PFKFB2: variants seen among roughly 807,000 people sequenced by gnomAD.
The protein encoded by PFKFB2 is 6-phosphofructo-2-kinase/fructose-2,6-biphosphatase 2, also known as 6-phosphofructo-2-kinase/fructose-2,6-bisphosphatase 2.
PFKFB2 carries 53 observed loss-of-function variants against 68.0 expected under a neutral mutation model. The observed-to-expected ratio is 0.78, with a 90% CI of 0.63 to 0.98. The LOEUF (loss-of-function observed/expected upper bound fraction) is 0.98, where lower values mean the gene tolerates loss of function less well. Ranked by LOEUF, PFKFB2 falls within the 50% of genes least tolerant of loss-of-function variation. The pLI is 0.00. For missense variants in PFKFB2, 451 were observed against 642.0 expected (o/e 0.70, Z 3.22); for synonymous variants, 222 against 227.6 (o/e 0.98, Z 0.22).
At chr1:207,060,541 T>C (rs773163972) in intron 2 of PFKFB2, among the ~76,000 whole-genome samples, 11 of 152,176 alleles carry the variant, frequency 7.2e-5, no homozygotes, top group Non-Finnish European at 1.5e-4. Context: ...AATTCTGGCT[T>C]AAAGAGGAGC....
intron 8 of PFKFB2, among the ~76,000 whole-genome samples, chr1:207,066,366 T>C (rs1683288812): frequency 6.6e-6 from 1 of 152,240 alleles, no homozygotes; most frequent in African/African-American, 2.4e-5. Context: ...AATGGCACAT[T>C]TAATGTGCAT....
intron 2 of PFKFB2, chr1:207,046,095 C>T (rs1383424316): frequency 1.3e-5 from 2 of 151,952 alleles, no homozygotes. Context: ...CTACACCTGA[C>T]CTTTAATCCA....
chr1:207,075,625 T>A lies in PFKFB2; in HGVS notation c.*3254T>A. The A allele has an allele frequency of 2.0e-6, 2 of 985,204 alleles. No individual in the cohort carries two copies. Among genetic ancestry groups the A allele is most frequent in the Non-Finnish European group, 2.4e-6 (2 of 829,726 alleles). The allele number at this position is 985,204 out of a possible 1,614,324, so 61.0% of individuals were successfully genotyped here. On this transcript the variant is annotated 3_prime_UTR_variant, in exon 15 of 15. Coordinates refer to ENST00000367080, the MANE Select transcript of PFKFB2 (RefSeq NM_006212.2). The stretch of plus-strand genomic sequence containing the variant: ...TGAGAAATAGGTAAAGACATTAGCA[T>A]TTAATCTACTGGAATAAGCTGGTTG...
chr1:207,038,189 T>A (rs1482945600), intron 1 of PFKFB2, among the ~76,000 whole-genome samples: 1 of 152,220 alleles, frequency 6.6e-6, no homozygotes, highest in Non-Finnish European at 1.5e-5. Context: ...TTGACTTTAT[T>A]CATTCACATG....
chr1:207,053,427 GC>G, intron 1 of PFKFB2, 61 bp downstream of exon 1: 1 of 152,812 alleles, frequency 6.5e-6, no homozygotes, highest in Non-Finnish European at 1.5e-5. Context: ...GGGGCTGCGT[GC>G]CCCCGGATGA....
Position 207,063,682 on chromosome 1 carries a change from G to T in PFKFB2, c.451-91G>T, listed in dbSNP as rs1683186731. ...TTTCATGAAGAAAATCCTGGGAGAT[G>T]TGGTGGCTGGGTGGGGTAGATGAGC... On this transcript the variant is annotated intron_variant, in intron 6 of 14. Transcript: ENST00000367080. The surrounding 1 kb of genome is among the most constrained non-coding windows in gnomAD (Gnocchi z 4.1). 39 of 1,052,978 alleles carry T rather than the reference G, an allele frequency of 3.7e-5. No homozygotes were observed. The highest frequency in any genetic ancestry group is 3.3e-4 in the South Asian group (26 of 78,738). The allele number at this position is 1,052,978 out of a possible 1,614,324, so 65.2% of individuals were successfully genotyped here. A position where few individuals can be genotyped will look rare whatever the true frequency, so the allele number is the denominator to read the frequency against.
rs1486161101 is a variant in PFKFB2 at position 207,072,701 on chromosome 1, C to T, written c.*330C>T. 1 of 1,073,626 alleles carries T rather than the reference C, an allele frequency of 9.3e-7. No individual in the cohort carries two copies. The highest frequency in any genetic ancestry group is 6.8e-5 in the East Asian group (1 of 14,632). 66.5% of individuals were successfully genotyped at this position (1,073,626 alleles called of 1,614,324 possible). A position where few individuals can be genotyped will look rare whatever the true frequency, so the allele number is the denominator to read the frequency against. ...CATGCCCCACACTCTTGGATCTTCTCTCTGTTCCCTGGTGTCTTCACTAAT... is the reference window on the plus strand; with the variant it reads ...CATGCCCCACACTCTTGGATCTTCTTTCTGTTCCCTGGTGTCTTCACTAAT... On this transcript the variant is annotated 3_prime_UTR_variant, in exon 15 of 15. Coordinates refer to ENST00000367080, the MANE Select transcript of PFKFB2 (RefSeq NM_006212.2).
At chr1:207,052,375 G>A (rs1339979963), upstream of PFKFB2, 4 of 669,210 alleles carry the variant, frequency 6.0e-6, no homozygotes, top group East Asian at 5.5e-5. Flanking sequence ...GAAGTCCACC[G>A]GGGTGGCCGG....
upstream of PFKFB2, chr1:207,051,220 C>T: frequency 8.8e-7 from 1 of 1,142,704 alleles, no homozygotes; most frequent in Non-Finnish European, 1.2e-6. Flanking sequence ...AGGTGCCCTC[C>T]GCGTGGGTAG....
chr1:207,068,157 C>A lies in PFKFB2; in HGVS notation c.841-6C>A, dbSNP rs1683356822. ...TTTACCCTTAATTTTCATTTTTAAA[C>A]CCCAGTTTGCCCAAGCTCTAAGGAA... is the stretch of plus-strand genomic sequence containing the variant. On this transcript the variant is annotated splice_polypyrimidine_tract_variant and splice_region_variant and intron_variant, in intron 9 of 14. Transcript: ENST00000367080. 1 of 1,601,152 alleles carries A rather than the reference C, an allele frequency of 6.2e-7. No homozygotes were observed. The highest frequency in any genetic ancestry group is 1.8e-5 in the Admixed American group (1 of 56,676).
intron 14 of PFKFB2, among the ~76,000 whole-genome samples, 162 bp downstream of exon 14, chr1:207,071,735 A>ATT (rs35425352): frequency 1.3e-5 from 2 of 150,842 alleles, no homozygotes; most frequent in African/African-American, 4.9e-5. Flanking sequence ...TGTTGGAATT[A>ATT]TTTTTTTTTT....
At position 207,077,383 on chromosome 1, in the gene PFKFB2, A is replaced by T; in HGVS notation, c.*5012A>T. On this transcript the variant is annotated 3_prime_UTR_variant, in exon 15 of 15. Transcript: ENST00000367080. ...TTTTTTCCAGTAAGCCTTTCACTGG[A>T]TATCTGTGACCAATGTTTACCTACG... The T allele has an allele frequency of 2.0e-6, 2 of 984,756 alleles. No individual in the cohort carries two copies. The highest frequency in any genetic ancestry group is 2.4e-6 in the Non-Finnish European group (2 of 829,314). 61.0% of individuals were successfully genotyped at this position (984,756 alleles called of 1,614,324 possible). A position where few individuals can be genotyped will look rare whatever the true frequency, so the allele number is the denominator to read the frequency against.
chr1:207,043,499 T>C (rs1043723283), intron 2 of PFKFB2, among the ~76,000 whole-genome samples: 1 of 152,176 alleles, frequency 6.6e-6, no homozygotes, highest in African/African-American at 2.4e-5. Flanking sequence ...AACCCTCCTA[T>C]AGTGATGTTG....
At chr1:207,047,378 G>A (rs1682625515) in intron 2 of PFKFB2, 2 of 152,450 alleles carry the variant, frequency 1.3e-5, no homozygotes, top group South Asian at 4.1e-4. Context: ...TTGTTCAAAT[G>A]TTCCTTAATT....
chr1:207,079,299 C>G, downstream of PFKFB2: 1 of 526,648 alleles, frequency 1.9e-6, no homozygotes, highest in South Asian at 2.2e-5. Context: ...CCAAGTTGGT[C>G]AATCTCATTC....
chr1:207,079,851 T>C (rs1398125462), downstream of PFKFB2: 2 of 152,242 alleles, frequency 1.3e-5, no homozygotes, highest in Non-Finnish European at 2.9e-5. Context: ...TCCTTGAGAA[T>C]CAGCCCGATC....
chr1:207,041,666 C>T (rs2102316875), intron 1 of PFKFB2, among the ~76,000 whole-genome samples: 1 of 152,284 alleles, frequency 6.6e-6, no homozygotes, highest in South Asian at 2.1e-4. Flanking sequence ...CAAGTCTTTG[C>T]TATTGTGAAC....
chr1:207,062,488 A>C, intron 3 of PFKFB2, 132 bp from the exon 4 acceptor site: 1 of 1,384,752 alleles, frequency 7.2e-7, no homozygotes, highest in Non-Finnish European at 9.9e-7. Context: ...TTAATCTGAT[A>C]TTGTTCCCAA....
At chr1:207,048,876 A>C, upstream of PFKFB2, 1 of 747,378 alleles carries the variant, frequency 1.3e-6, no homozygotes, top group Non-Finnish European at 2.2e-6. Context: ...TTAACAAGGA[A>C]TTTCAGTGTC....
Sources: allele counts gnomAD v4.1 joint callset (sites outside exome capture counted in the v4.1 genomes callset), GRCh38; gene constraint gnomAD v4.1.1; non-coding constraint Gnocchi (gnomAD v3.1); transcripts MANE v1.5; gene names NCBI Gene and HGNC (gene_info 2026-07-23, HGNC 2026-07-21).